The following CSMD1 variants were observed in gnomAD, a reference collection of about 807,000 sequenced individuals.
CSMD1 encodes CUB and Sushi multiple domains 1, also known as CUB and sushi domain-containing protein 1.
CSMD1 carries 213 observed loss-of-function variants against 417.5 expected under a neutral mutation model. The ratio of observed to expected loss-of-function variants is 0.51; its 90% confidence interval spans 0.46 to 0.57. The LOEUF (loss-of-function observed/expected upper bound fraction) is 0.57. CSMD1 is among the 20% of genes least tolerant of loss of function. The pLI is 0.00. For synonymous variants in CSMD1, 2,862 were observed against 1,736.8 expected, an observed-to-expected ratio of 1.65 and a Z score of -16.11; for missense variants, 6,923 against 4,529.7, an observed-to-expected ratio of 1.53 and a Z score of -15.17.
intron 3 of CSMD1, among the ~76,000 whole-genome samples, chr8:4,086,582 C>G (rs1235825243): frequency 6.6e-6 from 1 of 152,208 alleles, no homozygotes; most frequent in Non-Finnish European, 1.5e-5. Context: ...ATCTCCTCTA[C>G]TGATGCAGCT....
chr8:4,952,993 T>C (rs891513770), intron 1 of CSMD1, among the ~76,000 whole-genome samples: 4 of 152,158 alleles, frequency 2.6e-5, no homozygotes, highest in African/African-American at 7.2e-5. Context: ...CATCCATGCA[T>C]TCATACTTAT....
chr8:3,540,581 C>T (rs941722228), intron 10 of CSMD1, among the ~76,000 whole-genome samples: 1 of 152,114 alleles, frequency 6.6e-6, no homozygotes, highest in African/African-American at 2.4e-5. Context: ...AAACTATCAT[C>T]TGAGTGAACA....
intron 1 of CSMD1, among the ~76,000 whole-genome samples, chr8:4,754,801 A>T (rs1368543880): frequency 6.6e-6 from 1 of 152,108 alleles, no homozygotes; most frequent in Non-Finnish European, 1.5e-5. Flanking sequence ...GTGAGCCGAG[A>T]TCGCACCACT....
chr8:3,982,679 C>A (rs973657549), intron 5 of CSMD1, among the ~76,000 whole-genome samples: 1 of 151,550 alleles, frequency 6.6e-6, no homozygotes, highest in Admixed American at 6.6e-5. Context: ...ACCAGGGTGG[C>A]GGACCGGAAG....
chr8:4,159,635 C>A (rs1277462117), intron 3 of CSMD1, among the ~76,000 whole-genome samples: 4 of 152,168 alleles, frequency 2.6e-5, no homozygotes, highest in Non-Finnish European at 5.9e-5. Flanking sequence ...GTCGCCCAGG[C>A]TGGAGCACAG....
At chr8:4,866,773 A>T (rs565004351) in intron 1 of CSMD1, among the ~76,000 whole-genome samples, 1 of 152,140 alleles carries the variant, frequency 6.6e-6, no homozygotes, top group South Asian at 2.1e-4. Flanking sequence ...TTATAAACAC[A>T]AGGTAATGGA....
intron 3 of CSMD1, among the ~76,000 whole-genome samples, chr8:4,324,887 A>C (rs891828727): frequency 1.3e-5 from 2 of 152,170 alleles, no homozygotes; most frequent in African/African-American, 4.8e-5. Flanking sequence ...TGGATCCTCA[A>C]GGCACTCTGA....
chr8:3,369,195 T>C, intron 19 of CSMD1, 59 bp downstream of exon 19: 1 of 809,972 alleles, frequency 1.2e-6, no homozygotes, highest in South Asian at 1.5e-5. Context: ...TTTGTTTTGT[T>C]CCCGTTTTTC....
chr8:3,474,414 A>G (rs1817290337), intron 11 of CSMD1, among the ~76,000 whole-genome samples: 1 of 152,158 alleles, frequency 6.6e-6, no homozygotes, highest in Non-Finnish European at 1.5e-5. Flanking sequence ...GCAAACAAAC[A>G]TTTATTTATC....
intron 1 of CSMD1, among the ~76,000 whole-genome samples, chr8:4,762,744 A>C (rs147965407): frequency 3.2e-4 from 48 of 152,228 alleles, no homozygotes; most frequent in Admixed American, 1.4e-3. Context: ...ATCTCAATTC[A>C]GTGCTCCTGC....
intron 51 of CSMD1, among the ~76,000 whole-genome samples, chr8:3,018,887 A>C (rs551311232): frequency 1.3e-5 from 2 of 152,222 alleles, no homozygotes; most frequent in Admixed American, 1.3e-4. Context: ...GTGGATTCCA[A>C]AACATTCTAG....
chr8:4,282,116 T>G (rs1348862368), intron 3 of CSMD1, among the ~76,000 whole-genome samples: 1 of 152,230 alleles, frequency 6.6e-6, no homozygotes, highest in African/African-American at 2.4e-5. Flanking sequence ...TATTTTTAAT[T>G]ATGTAAACTT....
rs151303343 is a variant in CSMD1, at chr8:4,862,985, C to G, written c.85+131347G>C. ...CCAAGTCAGGGTGCCCAAGAGGGAA[C>G]CAGCAAATACCCCCGTAGATCAAGG... On this transcript the variant is annotated intron_variant, in intron 1 of 69. Coordinates refer to ENST00000635120, the MANE Select transcript of CSMD1 (RefSeq NM_033225.6). Among the ~76,000 whole-genome samples, 357 of 152,072 alleles carry G rather than the reference C, an allele frequency of 2.3e-3. 13 individuals carry two copies. The South Asian group carries it at 0.04, about 17-fold the overall frequency.
intron 6 of CSMD1, among the ~76,000 whole-genome samples, chr8:3,720,598 T>C (rs941816829): frequency 4.7e-5 from 7 of 148,288 alleles, no homozygotes; most frequent in African/African-American, 1.8e-4. Flanking sequence ...CTCACAGCAT[T>C]GGTGGTCAAA....
chr8:4,528,210 T>C (rs1024353945), intron 2 of CSMD1, among the ~76,000 whole-genome samples: 11 of 152,198 alleles, frequency 7.2e-5, no homozygotes, highest in African/African-American at 2.4e-4. Flanking sequence ...TTTCCAACTT[T>C]CTGTTCCATC....
intron 3 of CSMD1, among the ~76,000 whole-genome samples, chr8:4,348,537 A>G (rs1356249562): frequency 6.6e-6 from 1 of 150,884 alleles, no homozygotes; most frequent in Non-Finnish European, 1.5e-5. Flanking sequence ...GAGTTGTATC[A>G]CAAATAAAAG....
intron 3 of CSMD1, among the ~76,000 whole-genome samples, chr8:4,122,651 G>C (rs944933792): frequency 1.3e-5 from 2 of 152,126 alleles, no homozygotes; most frequent in African/African-American, 4.8e-5. Context: ...ACCAAACCAT[G>C]TGAGGCCAGG....
chr8:3,174,933 T>C (rs1006359068), intron 37 of CSMD1, among the ~76,000 whole-genome samples: 5 of 152,196 alleles, frequency 3.3e-5, no homozygotes, highest in African/African-American at 9.6e-5. Context: ...TTGAGTGAGA[T>C]CTTATTTGTT....
At chr8:3,226,122 T>C (rs1798488090) in intron 27 of CSMD1, among the ~76,000 whole-genome samples, 1 of 152,244 alleles carries the variant, frequency 6.6e-6, no homozygotes, top group Non-Finnish European at 1.5e-5. Context: ...ATAAATATTT[T>C]CTAAATAGAC....
Sources: allele counts gnomAD v4.1 joint callset (sites outside exome capture counted in the v4.1 genomes callset), GRCh38; gene constraint gnomAD v4.1.1; transcripts MANE v1.5; gene names NCBI Gene and HGNC (gene_info 2026-07-23, HGNC 2026-07-21).